ATRNL1: variants seen among roughly 807,000 people sequenced by gnomAD.
ATRNL1 encodes attractin-like protein 1.
In ATRNL1, 95 loss-of-function variants were observed where a neutral mutation model predicts 182.7. The observed-to-expected ratio is 0.52, with a 90% CI of 0.44 to 0.62. The LOEUF (loss-of-function observed/expected upper bound fraction) is 0.62, where lower values mean the gene tolerates loss of function less well. ATRNL1 is among the 20% of genes least tolerant of loss of function. ATRNL1 has a pLI of 0.00. For synonymous variants in ATRNL1, 576 were observed against 568.3 expected (o/e 1.01, Z -0.19); for missense variants, 1,471 against 1,679.5 (o/e 0.88, Z 2.17).
At chr10:115,094,143 C>G in intron 1 of ATRNL1, 100 bp downstream of exon 1, 1 of 1,179,678 alleles carries the variant, frequency 8.5e-7, no homozygotes, top group Non-Finnish European at 1.1e-6. Context: ...GTCGCTGCCT[C>G]TGATCCCCCG....
At chr10:115,943,168 A>G (rs957806088) in intron 28 of ATRNL1, among the ~76,000 whole-genome samples, 1 of 152,246 alleles carries the variant, frequency 6.6e-6, no homozygotes, top group Admixed American at 6.5e-5. Context: ...CCATTTGTAC[A>G]TAGCATAACT....
intron 28 of ATRNL1, among the ~76,000 whole-genome samples, chr10:115,921,437 A>C (rs979031414): frequency 6.6e-6 from 1 of 152,204 alleles, no homozygotes; most frequent in African/African-American, 2.4e-5. Context: ...CAGTTTTCTT[A>C]AAAAGATAAA....
At position 115,536,476 on chromosome 10, in the gene ATRNL1, TG is replaced by T. The variant is rs200231162; in HGVS notation, c.3717-12978del. 6.2e-3 allele frequency among the ~76,000 whole-genome samples: 939 copies of T among 152,340 alleles called. 8 individuals are homozygous for T. Among genetic ancestry groups the T allele is most frequent in the African/African-American group, 0.021 (889 of 41,574 alleles). ...TAAGCCCGTCGGAAATGCGCAGTAT[TG>T]GGGTGGGCTTGACCTGATTTTCCAG... On this transcript the variant is annotated intron_variant, in intron 25 of 28. Transcript: ENST00000355044.
At chr10:115,281,276 G>A (rs1852347614) in intron 13 of ATRNL1, 79 bp from the exon 14 acceptor site, 1 of 1,264,728 alleles carries the variant, frequency 7.9e-7, no homozygotes, top group Non-Finnish European at 1.1e-6. Flanking sequence ...AAGTTCACCA[G>A]AGGATTTAAA....
intron 28 of ATRNL1, among the ~76,000 whole-genome samples, chr10:115,935,708 AAAC>A (rs1953536084): frequency 6.6e-6 from 1 of 152,234 alleles, no homozygotes; most frequent in Non-Finnish European, 1.5e-5. Flanking sequence ...TAGTTTTGAG[AAAC>A]AACCTAGATA....
At chr10:115,772,593 C>CTGTGTGTG (rs71475107) in intron 27 of ATRNL1, among the ~76,000 whole-genome samples, 27,934 of 124,714 alleles carry the variant, frequency 0.22, 2,836 homozygotes, top group Middle Eastern at 0.31. Flanking sequence ...AATATATACT[C>CTGTGTGTG]TGTCTGTGTG....
chr10:115,878,848 T>C (rs1751017772), intron 28 of ATRNL1, among the ~76,000 whole-genome samples: 1 of 152,180 alleles, frequency 6.6e-6, no homozygotes, highest in South Asian at 2.1e-4. Context: ...TAGAAAAATT[T>C]ACCTCCTGAC....
intron 5 of ATRNL1, among the ~76,000 whole-genome samples, chr10:115,152,837 T>C (rs1846306677): frequency 1.3e-5 from 2 of 152,156 alleles, no homozygotes; most frequent in South Asian, 4.1e-4. Context: ...TTCAATATCA[T>C]ATTGGCTGTG....
intron 25 of ATRNL1, 133 bp downstream of exon 25, chr10:115,519,457 G>T (rs2133701343): frequency 1.4e-6 from 1 of 706,858 alleles, no homozygotes; most frequent in Non-Finnish European, 2.4e-6. Flanking sequence ...AGCTTTATAT[G>T]CTTAAATATA....
chr10:115,574,974 ACT>A (rs1854621675), intron 26 of ATRNL1, among the ~76,000 whole-genome samples: 1 of 152,112 alleles, frequency 6.6e-6, no homozygotes, highest in African/African-American at 2.4e-5. Flanking sequence ...TTTAGGTCTG[ACT>A]CTTAATGTGA....
chr10:115,193,056 T>C lies in ATRNL1; in HGVS notation c.1348+21764T>C, dbSNP rs782600929. On this transcript the variant is annotated intron_variant, in intron 8 of 28. Transcript: ENST00000355044. ...CTTTCTTTCTATTTAGGATGTCCTTTATTTCTTTCTCTTGTCTAATTGCTG... is the reference window on the plus strand; with the variant it reads ...CTTTCTTTCTATTTAGGATGTCCTTCATTTCTTTCTCTTGTCTAATTGCTG... Among the ~76,000 whole-genome samples the C allele has an allele frequency of 3.3e-5, 5 of 152,028 alleles. No homozygotes were observed. In the East Asian group the frequency reaches 9.6e-4, roughly 29 times the overall value.
intron 27 of ATRNL1, among the ~76,000 whole-genome samples, chr10:115,733,176 AAGACAG>A (rs1947850238): frequency 1.3e-5 from 2 of 152,140 alleles, no homozygotes; most frequent in African/African-American, 4.8e-5. Context: ...AATAATTTTA[AAGACAG>A]TTGTTTACAG....
At chr10:115,717,291 C>T (rs1213611348) in intron 26 of ATRNL1, among the ~76,000 whole-genome samples, 1 of 152,094 alleles carries the variant, frequency 6.6e-6, no homozygotes, top group Non-Finnish European at 1.5e-5. Flanking sequence ...TAGGAATGGA[C>T]TGTCTGAGAT....
intron 27 of ATRNL1, chr10:115,819,745 A>G (rs1950248653): frequency 1.3e-5 from 2 of 152,168 alleles, no homozygotes; most frequent in African/African-American, 4.8e-5. Context: ...TGCTTGAAAT[A>G]GGCAGAGTTT....
intron 19 of ATRNL1, among the ~76,000 whole-genome samples, chr10:115,344,950 A>C (rs1465703967): frequency 1.3e-5 from 2 of 152,152 alleles, no homozygotes; most frequent in African/African-American, 4.8e-5. Flanking sequence ...ACCTGGAAGG[A>C]GGGCCTCATC....
chr10:115,719,244 A>G (rs906547198), intron 26 of ATRNL1, among the ~76,000 whole-genome samples: 1 of 152,166 alleles, frequency 6.6e-6, no homozygotes, highest in Non-Finnish European at 1.5e-5. Flanking sequence ...TTACAGAAAA[A>G]TATTTTCTTA....
At chr10:115,624,808 A>G (rs1857987231) in intron 26 of ATRNL1, among the ~76,000 whole-genome samples, 1 of 152,202 alleles carries the variant, frequency 6.6e-6, no homozygotes, top group Non-Finnish European at 1.5e-5. Flanking sequence ...TTAGGGGGTG[A>G]TAAGGAGATT....
At chr10:115,455,934 G>A (rs1847502858) in intron 21 of ATRNL1, among the ~76,000 whole-genome samples, 1 of 152,108 alleles carries the variant, frequency 6.6e-6, no homozygotes, top group Admixed American at 6.5e-5. Context: ...ACCACAATGA[G>A]ACACCATCTC....
chr10:115,383,394 T>TTC (rs1858142028), intron 19 of ATRNL1, among the ~76,000 whole-genome samples: 1 of 151,954 alleles, frequency 6.6e-6, no homozygotes, highest in Non-Finnish European at 1.5e-5. Context: ...TTTGTGGGTC[T>TTC]GTATGGTTTG....
Sources: allele counts gnomAD v4.1 joint callset (sites outside exome capture counted in the v4.1 genomes callset), GRCh38; gene constraint gnomAD v4.1.1; transcripts MANE v1.5; gene names NCBI Gene and HGNC (gene_info 2026-07-23, HGNC 2026-07-21).